ADGRL2: variants seen among roughly 807,000 people sequenced by gnomAD.
The protein encoded by ADGRL2 is calcium-independent alpha-latrotoxin receptor 2.
In ADGRL2, 44 loss-of-function variants were observed where a neutral mutation model predicts 157.4. The observed-to-expected ratio is 0.28, with a 90% CI of 0.22 to 0.36. The LOEUF is 0.36. Among genes scored for constraint, ADGRL2 ranks in the 10% least tolerant of loss-of-function variants. The pLI is 1.00. For missense variants in ADGRL2, 1,510 were observed against 1,768.9 expected (o/e 0.85, Z 2.63); for synonymous variants, 585 against 624.7 (o/e 0.94, Z 0.95).
At chr1:81,900,383 T>G (rs35747667) in intron 2 of ADGRL2, among the ~76,000 whole-genome samples, 1,616 of 152,280 alleles carry the variant, frequency 0.011, 10 homozygotes, top group Admixed American at 0.017. Context: ...CTCCATCTCT[T>G]ACTCCTTAAC....
At chr1:81,642,908 C>T (rs984321319) in intron 3 of ADGRL2, among the ~76,000 whole-genome samples, 5 of 151,982 alleles carry the variant, frequency 3.3e-5, no homozygotes, top group African/African-American at 1.2e-4. Context: ...CTCAGTAAAC[C>T]AGATATAGAT....
intron 3 of ADGRL2, among the ~76,000 whole-genome samples, chr1:81,653,675 T>G (rs1433054945): frequency 6.6e-6 from 1 of 152,236 alleles, no homozygotes; most frequent in Admixed American, 6.5e-5. Flanking sequence ...ATGTGTATCT[T>G]TTTTAATGTA....
chr1:81,799,443 C>T (rs992250268), upstream of ADGRL2, among the ~76,000 whole-genome samples: 2 of 152,102 alleles, frequency 1.3e-5, no homozygotes, highest in African/African-American at 4.8e-5. Flanking sequence ...AATGAAACCA[C>T]CAAAAGAACA....
At chr1:81,952,246 T>G in intron 9 of ADGRL2, 104 bp downstream of exon 9, 10 of 844,116 alleles carry the variant, frequency 1.2e-5, no homozygotes, top group Non-Finnish European at 1.7e-5. Context: ...GGACATATAC[T>G]TAGAAGCAAA....
chr1:81,939,850 CGTA>C (rs1344675533), intron 4 of ADGRL2, among the ~76,000 whole-genome samples: 1 of 151,216 alleles, frequency 6.6e-6, no homozygotes, highest in Non-Finnish European at 1.5e-5. Flanking sequence ...AATATAATAA[CGTA>C]GGGACTTTTT....
At chr1:81,451,760 C>T (rs1418770238) in intron 2 of ADGRL2, among the ~76,000 whole-genome samples, 4 of 152,168 alleles carry the variant, frequency 2.6e-5, no homozygotes, top group Non-Finnish European at 4.4e-5. Flanking sequence ...TTATACACAA[C>T]TCTTGAATAA....
intron 1 of ADGRL2, among the ~76,000 whole-genome samples, chr1:81,716,131 G>T (rs2084109014): frequency 6.6e-6 from 1 of 152,184 alleles, no homozygotes; most frequent in African/African-American, 2.4e-5. Context: ...CTCTAACACA[G>T]TCCGTCAAAT....
At chr1:81,796,004 G>C (rs12759282), upstream of ADGRL2, among the ~76,000 whole-genome samples, 24,151 of 149,532 alleles carry the variant, frequency 0.16, 1,960 homozygotes, top group Middle Eastern at 0.2. Context: ...TGTTTTTTGA[G>C]ACGGAGTCTC....
intron 1 of ADGRL2, among the ~76,000 whole-genome samples, chr1:81,403,298 T>C (rs2076793413): frequency 6.6e-6 from 1 of 152,086 alleles, no homozygotes; most frequent in Non-Finnish European, 1.5e-5. Flanking sequence ...AGAGTCTCCC[T>C]CTGTTGCCCA....
intron 1 of ADGRL2, among the ~76,000 whole-genome samples, chr1:81,756,316 TATCA>T (rs1412512351): frequency 8.6e-6 from 1 of 116,240 alleles, no homozygotes; most frequent in Non-Finnish European, 1.8e-5. Context: ...ATTCTTCTTT[TATCA>T]TTCATTCATT....
Position 81,347,491 on chromosome 1 carries a change from A to G in ADGRL2, c.-302+40982A>G, listed in dbSNP as rs534018951. ...AGATGATACTTATAAAATACGAAGGAGCTGGACTGAATTGTTTCCTAGTAT... is the reference window on the plus strand; with the variant it reads ...AGATGATACTTATAAAATACGAAGGGGCTGGACTGAATTGTTTCCTAGTAT... On this transcript the variant is annotated intron_variant, in intron 1 of 24. Transcript: ENST00000370721. Among the ~76,000 whole-genome samples the G allele has an allele frequency of 2.0e-5, 3 of 152,300 alleles. 1 individual carries two copies. Among genetic ancestry groups the G allele is most frequent in the African/African-American group, 7.2e-5 (3 of 41,570 alleles).
chr1:81,421,957 C>T (rs2077132918), intron 1 of ADGRL2, among the ~76,000 whole-genome samples: 1 of 152,066 alleles, frequency 6.6e-6, no homozygotes, highest in African/African-American at 2.4e-5. Context: ...CCTCTATATA[C>T]CATTGAAAGA....
chr1:81,850,203 A>G (rs564915869), intron 2 of ADGRL2, among the ~76,000 whole-genome samples: 59 of 152,114 alleles, frequency 3.9e-4, no homozygotes, highest in African/African-American at 1.3e-3. Flanking sequence ...ATAGCATTTC[A>G]CTGGAGTCTT....
chr1:81,809,910 A>G (rs1447371325), intron 1 of ADGRL2, among the ~76,000 whole-genome samples: 1 of 151,904 alleles, frequency 6.6e-6, no homozygotes, highest in Non-Finnish European at 1.5e-5. Context: ...GTGGACTGAG[A>G]AATGCTTGTA....
At chr1:81,893,242 A>G (rs1479441166) in intron 2 of ADGRL2, among the ~76,000 whole-genome samples, 3 of 148,146 alleles carry the variant, frequency 2.0e-5, no homozygotes, top group Non-Finnish European at 4.5e-5. Flanking sequence ...CTGTCATTAT[A>G]AATCAGATTC....
intron 3 of ADGRL2, among the ~76,000 whole-genome samples, chr1:81,625,422 G>A (rs1349633378): frequency 6.6e-6 from 1 of 152,106 alleles, no homozygotes; most frequent in Non-Finnish European, 1.5e-5. Flanking sequence ...AGGAAAATAG[G>A]TATTTTTCTT....
Position 81,705,894 on chromosome 1 carries a change from G to C in ADGRL2, c.-143+6086G>C, listed in dbSNP as rs1157888487. Among the ~76,000 whole-genome samples, 4 of 151,810 alleles carry C rather than the reference G, an allele frequency of 2.6e-5. No individual in the cohort carries two copies. The East Asian group carries it at 7.9e-4, about 30-fold the overall frequency. ...TATATGCACTCCAGCCTAAGAGACA[G>C]AGCAAGACCTTATCTTTAAAAACAA... On this transcript the variant is annotated intron_variant, in intron 1 of 20. Transcript: ENST00000359929.
chr1:81,819,489 T>C (rs1021678516), intron 1 of ADGRL2, among the ~76,000 whole-genome samples: 1 of 152,140 alleles, frequency 6.6e-6, no homozygotes, highest in Admixed American at 6.6e-5. Context: ...GTAAAAAAAA[T>C]ATATTTTTTC....
intron 17 of ADGRL2, among the ~76,000 whole-genome samples, chr1:81,978,286 G>A (rs147421968): frequency 0.013 from 2,040 of 151,714 alleles, 37 homozygotes; most frequent in Middle Eastern, 0.034. Context: ...TGAATGAAAT[G>A]TATCATATTG....
Sources: allele counts gnomAD v4.1 joint callset (sites outside exome capture counted in the v4.1 genomes callset), GRCh38; gene constraint gnomAD v4.1.1; transcripts MANE v1.5; gene names NCBI Gene and HGNC (gene_info 2026-07-23, HGNC 2026-07-21).